The following TBC1D15 variants were observed in gnomAD, a reference collection of about 807,000 sequenced individuals.
TBC1D15 encodes TBC1 domain family member 15.
A neutral mutation model predicts 95.4 loss-of-function variants in TBC1D15; 39 were observed. The observed-to-expected ratio is 0.41, with a 90% CI of 0.32 to 0.53. The LOEUF is 0.53. Ranked by LOEUF, TBC1D15 falls within the 20% of genes least tolerant of loss-of-function variation. The probability of loss-of-function intolerance (pLI) is 0.29; values close to 1 mark genes in which losing one functional copy is unlikely to be tolerated. For missense variants in TBC1D15, 733 were observed against 794.3 expected (o/e 0.92, Z 0.93); for synonymous variants, 258 against 261.3 (o/e 0.99, Z 0.12).
At position 71,897,476 on chromosome 12, in the gene TBC1D15, TA is replaced by T. The variant is rs896419815; in HGVS notation, c.1089-362del. 2.0e-4 allele frequency among the ~76,000 whole-genome samples: 31 copies of T among 151,530 alleles called. No individual in the cohort carries two copies. The East Asian group carries it at 2.3e-3, about 11-fold the overall frequency. ...AATGGAACTATAATGTCACATTTTTTAAAAAAAAAGTCACTTAGATTTGTAT... is the reference window on the plus strand; with the variant it reads ...AATGGAACTATAATGTCACATTTTTTAAAAAAAAGTCACTTAGATTTGTAT... On this transcript the variant is annotated intron_variant, in intron 9 of 16. Transcript: ENST00000485960.
intron 11 of TBC1D15, among the ~76,000 whole-genome samples, chr12:71,910,128 C>T (rs1041514715): frequency 1.3e-5 from 2 of 151,862 alleles, no homozygotes; most frequent in Non-Finnish European, 2.9e-5. Flanking sequence ...AATCCTTTCC[C>T]CATTGCTTGT....
Position 71,884,864 on chromosome 12 carries a change from A to G in TBC1D15, c.397A>G (p.Thr133Ala). ...KSKWSFLFSL[T>A]DLKSIKQNKE... Reference sequence around the variant, plus strand: ...CAAATGGTCATTCCTGTTCAGTTTGACAGACCTGAAATCAATCAAGCAAAA... The same window carrying G: ...CAAATGGTCATTCCTGTTCAGTTTGGCAGACCTGAAATCAATCAAGCAAAA... Residue 133 changes from threonine to alanine, a missense_variant, in exon 5 of 17, where the codon ACA (threonine) becomes GCA (alanine). Coordinates refer to ENST00000485960, the MANE Select transcript of TBC1D15 (RefSeq NM_001146213.3). 1 of 1,614,062 alleles carries G rather than the reference A, an allele frequency of 6.2e-7. No individual in the cohort carries two copies. The highest frequency in any genetic ancestry group is 8.5e-7 in the Non-Finnish European group (1 of 1,179,952).
At chr12:71,877,735 G>A (rs958168566) in intron 3 of TBC1D15, among the ~76,000 whole-genome samples, 1 of 152,026 alleles carries the variant, frequency 6.6e-6, no homozygotes, top group Non-Finnish European at 1.5e-5. Flanking sequence ...TCTGTTCTTT[G>A]TGGTTGTAAT....
At chr12:71,902,338 G>GTA (rs760818935) in intron 10 of TBC1D15, among the ~76,000 whole-genome samples, 1 of 152,076 alleles carries the variant, frequency 6.6e-6, no homozygotes, top group Non-Finnish European at 1.5e-5. Context: ...TACTGCAAGG[G>GTA]TATAGTAACT....
intron 4 of TBC1D15, among the ~76,000 whole-genome samples, chr12:71,882,918 A>G (rs1483806746): frequency 6.6e-6 from 1 of 152,124 alleles, no homozygotes; most frequent in Non-Finnish European, 1.5e-5. Flanking sequence ...TTTTGTATGT[A>G]ATATATGTCT....
chr12:71,890,890 G>A (rs1897095937), intron 5 of TBC1D15, among the ~76,000 whole-genome samples: 1 of 152,148 alleles, frequency 6.6e-6, no homozygotes, highest in Non-Finnish European at 1.5e-5. Flanking sequence ...CTGAAACCAA[G>A]TTGGTTGCTA....
intron 5 of TBC1D15, among the ~76,000 whole-genome samples, chr12:71,890,527 A>T (rs1324212051): frequency 6.6e-6 from 1 of 152,100 alleles, no homozygotes; most frequent in East Asian, 1.9e-4. Flanking sequence ...TAGTGAATTA[A>T]GTTTGTCTTC....
intron 3 of TBC1D15, 51 bp from the exon 4 acceptor site, chr12:71,880,418 A>C: frequency 6.8e-7 from 1 of 1,466,248 alleles, no homozygotes; most frequent in Non-Finnish European, 9.2e-7. Flanking sequence ...TATGGATTGA[A>C]ATTAAATTTG....
At chr12:71,856,242 T>TGTTA (rs1889036749) in intron 1 of TBC1D15, among the ~76,000 whole-genome samples, 1 of 152,194 alleles carries the variant, frequency 6.6e-6, no homozygotes, top group Non-Finnish European at 1.5e-5. Context: ...ATTAGTAAGT[T>TGTTA]GTTAGGCTTG....
chr12:71,891,278 C>T (rs1217897359), intron 5 of TBC1D15, among the ~76,000 whole-genome samples: 2 of 152,122 alleles, frequency 1.3e-5, no homozygotes, highest in Non-Finnish European at 2.9e-5. Context: ...CTGGGATATA[C>T]TTCAGAATTT....
chr12:71,867,216 C>G (rs774104080), intron 1 of TBC1D15, among the ~76,000 whole-genome samples: 4 of 152,166 alleles, frequency 2.6e-5, no homozygotes, highest in Non-Finnish European at 5.9e-5. Flanking sequence ...GCATTGTTTT[C>G]TGCATTTAAG....
intron 1 of TBC1D15, among the ~76,000 whole-genome samples, chr12:71,857,778 G>A (rs148346714): frequency 1.1e-3 from 171 of 152,250 alleles, no homozygotes; most frequent in African/African-American, 3.7e-3. Flanking sequence ...GCTGTAGAAC[G>A]TTAGAATTTA....
chr12:71,885,115 T>A, intron 5 of TBC1D15, 94 bp downstream of exon 5: 1 of 1,193,822 alleles, frequency 8.4e-7, no homozygotes, highest in Non-Finnish European at 1.2e-6. Flanking sequence ...ATCAGTGACC[T>A]ATTTGCATAT....
chr12:71,907,046 G>C lies in TBC1D15; in HGVS notation c.1208G>C (p.Arg403Pro). 6.2e-7 allele frequency: 1 copy of C among 1,610,258 alleles called. No homozygotes were observed. The highest frequency in any genetic ancestry group is 1.1e-5 in the South Asian group (1 of 90,276). Reference protein sequence around the residue: ...LIEKDVNRTDRTNKFYEGQDN... With the variant: ...LIEKDVNRTDPTNKFYEGQDN... ...GAAAAAGATGTTAACAGAACAGATC[G>C]AACAAACAAGTTTTATGAAGGCCAA... is the stretch of plus-strand genomic sequence containing the variant. Residue 403 changes from arginine to proline, a missense_variant, in exon 11 of 17, where the codon CGA becomes CCA. Transcript: ENST00000485960.
chr12:71,898,426 A>G (rs543951346), intron 10 of TBC1D15, among the ~76,000 whole-genome samples: 233 of 152,222 alleles, frequency 1.5e-3, no homozygotes, highest in Admixed American at 1.7e-3. Context: ...AATTAAATAA[A>G]TGACTCCAGA....
intron 14 of TBC1D15, 47 bp downstream of exon 14, chr12:71,918,595 A>G (rs1868256127): frequency 1.6e-6 from 2 of 1,250,272 alleles, no homozygotes; most frequent in African/African-American, 3.1e-5. Flanking sequence ...TTATGAAAAG[A>G]AACAATTTAT....
In TBC1D15 at chr12:71,921,419, G is replaced by A; in HGVS notation, c.1768G>A (p.Ala590Thr). 1 of 1,568,896 alleles carries A rather than the reference G, an allele frequency of 6.4e-7. No homozygotes were observed. Among genetic ancestry groups the A allele is most frequent in the Non-Finnish European group, 8.7e-7 (1 of 1,151,846 alleles). The change falls in exon 16 of 17, where the codon GCA (alanine) becomes ACA (threonine). Residue 590 changes from alanine (A) to threonine (T), a missense_variant. Ala to Thr is a moderately conservative substitution (Grantham distance 58, BLOSUM62 0). Transcript: ENST00000485960. ...KIDVEDILCK[A>T]EAISLQMVKC... ...TGATGTGGAAGATATACTCTGCAAGGCAGAAGCAATTTCTCTACAGATGGT... is the reference window on the plus strand; with the variant it reads ...TGATGTGGAAGATATACTCTGCAAGACAGAAGCAATTTCTCTACAGATGGT...
intron 1 of TBC1D15, chr12:71,849,423 A>G: frequency 2.4e-6 from 3 of 1,248,042 alleles, no homozygotes; most frequent in Non-Finnish European, 2.4e-6. Flanking sequence ...TCCTGTAATC[A>G]GTCAAAACAC....
At chr12:71,839,843 T>C in intron 1 of TBC1D15, 32 bp downstream of exon 1, 1 of 1,613,948 alleles carries the variant, frequency 6.2e-7, no homozygotes, top group Non-Finnish European at 8.5e-7. Context: ...GACCTCGGCT[T>C]TTCTCTGGGA....
Sources: gnomAD v4.1 joint callset for allele counts (sites outside exome capture counted in the v4.1 genomes callset) on GRCh38, gnomAD v4.1.1 for gene constraint, MANE v1.5 for transcripts, NCBI Gene and HGNC (gene_info 2026-07-23, HGNC 2026-07-21) for gene names.